GRIN2A: variants seen among roughly 807,000 people sequenced by gnomAD.
The protein encoded by GRIN2A is glutamate receptor ionotropic, NMDA 2A.
A neutral mutation model predicts 113.4 loss-of-function variants in GRIN2A; 22 were observed. That is an observed-to-expected ratio of 0.19 (90% confidence interval 0.14 to 0.28). GRIN2A has a LOEUF of 0.28. GRIN2A is among the 10% of genes least tolerant of loss of function. GRIN2A has a pLI of 1.00. For synonymous variants in GRIN2A, 827 were observed against 738.4 expected, an observed-to-expected ratio of 1.12 and a Z score of -1.94; for missense variants, 1,502 against 1,887.0, an observed-to-expected ratio of 0.80 and a Z score of 3.78.
At chr16:9,933,531 G>A (rs1386676995) in intron 3 of GRIN2A, among the ~76,000 whole-genome samples, 1 of 152,182 alleles carries the variant, frequency 6.6e-6, no homozygotes, top group African/African-American at 2.4e-5. Context: ...CTGCTACATA[G>A]GAGGAATAGT....
At chr16:10,170,729 T>G (rs1443403454) in intron 2 of GRIN2A, among the ~76,000 whole-genome samples, 1 of 151,966 alleles carries the variant, frequency 6.6e-6, no homozygotes, top group East Asian at 1.9e-4. Context: ...ATTTAAAAAT[T>G]AGCCGGATAT....
Position 9,837,125 on chromosome 16 carries a change from T to A in GRIN2A, c.1652-2895A>T, listed in dbSNP as rs16966477. Among the ~76,000 whole-genome samples the A allele has an allele frequency of 4.6e-3, 697 of 152,324 alleles. 1 individual carries two copies. The highest frequency in any genetic ancestry group is 0.017 in the Middle Eastern group (5 of 294). ...GAATGTTTTGGCTCTTCCAGATGAC[T>A]AAGCCAGTGAATGGAAAAATGTAGC... On this transcript the variant is annotated intron_variant, in intron 7 of 12. Transcript: ENST00000330684.
rs567343810 is a variant in GRIN2A, at chr16:9,791,393, A to C, written c.2356+6884T>G. On this transcript the variant is annotated intron_variant, in intron 11 of 12. Transcript: ENST00000330684. ...ATGGTGAAATTCTGGATGCTGTAGA[A>C]AGTTGAAAGGGAAAAATATTCAGGG... Among the ~76,000 whole-genome samples the C allele has an allele frequency of 3.3e-4, 50 of 152,336 alleles. 1 individual carries two copies. In the South Asian group the frequency reaches 9.7e-3, roughly 30 times the overall value.
At chr16:10,091,042 A>T (rs1446300545) in intron 2 of GRIN2A, among the ~76,000 whole-genome samples, 1 of 152,224 alleles carries the variant, frequency 6.6e-6, no homozygotes, top group Non-Finnish European at 1.5e-5. Context: ...TATGGACAAC[A>T]CCAAGTGTTG....
chr16:9,768,574 T>C (rs1312643283), intron 12 of GRIN2A, among the ~76,000 whole-genome samples: 2 of 152,206 alleles, frequency 1.3e-5, no homozygotes, highest in Admixed American at 6.5e-5. Flanking sequence ...TATCGTTCTC[T>C]CACTTTGATA....
At chr16:10,010,791 C>A (rs554239521) in intron 2 of GRIN2A, among the ~76,000 whole-genome samples, 1 of 152,256 alleles carries the variant, frequency 6.6e-6, no homozygotes, top group South Asian at 2.1e-4. Context: ...AGAATTCTTA[C>A]CTTGTCTCTC....
chr16:10,030,599 T>C (rs11639850), intron 2 of GRIN2A, among the ~76,000 whole-genome samples: 21,849 of 152,240 alleles, frequency 0.14, 2,435 homozygotes, highest in East Asian at 0.51. Context: ...TTCTTGTTGA[T>C]GTTTTCTACT....
At chr16:10,078,328 C>T (rs1439371558) in intron 2 of GRIN2A, among the ~76,000 whole-genome samples, 3 of 151,800 alleles carry the variant, frequency 2.0e-5, no homozygotes, top group African/African-American at 7.3e-5. Context: ...GTCTGTTCCT[C>T]GTGACCACAC....
chr16:9,808,910 C>A (rs1172378969), intron 10 of GRIN2A, among the ~76,000 whole-genome samples: 1 of 150,716 alleles, frequency 6.6e-6, no homozygotes, highest in Non-Finnish European at 1.5e-5. Flanking sequence ...CCTCATCCCA[C>A]CCCCCCAAAA....
intron 2 of GRIN2A, among the ~76,000 whole-genome samples, chr16:10,160,845 C>A (rs1023840042): frequency 2.9e-4 from 44 of 152,122 alleles, no homozygotes; most frequent in African/African-American, 1.0e-3. Context: ...CCCCTCCAGG[C>A]ACAAAAATGA....
At chr16:9,941,996 G>A (rs2044891732) in intron 2 of GRIN2A, among the ~76,000 whole-genome samples, 2 of 152,242 alleles carry the variant, frequency 1.3e-5, no homozygotes, top group South Asian at 4.1e-4. Context: ...GCCAATAATG[G>A]TGCTTCCTCA....
In GRIN2A at chr16:10,007,631, T is replaced by A. The variant is rs535200039; in HGVS notation, c.415-69080A>T. Among the ~76,000 whole-genome samples, 7 of 152,310 alleles carry A rather than the reference T, an allele frequency of 4.6e-5. No individual in the cohort carries two copies. The East Asian group carries it at 1.3e-3, about 29-fold the overall frequency. On this transcript the variant is annotated intron_variant, in intron 2 of 12. Transcript: ENST00000330684. ...GCTGTGCAGAAGTTTTTTAACCTGA[T>A]GTGATCCCATTTGCCCATTTTGCTT...
At chr16:9,859,932 C>G (rs538597541) in intron 4 of GRIN2A, among the ~76,000 whole-genome samples, 1 of 152,078 alleles carries the variant, frequency 6.6e-6, no homozygotes, top group East Asian at 2.0e-4. Context: ...GTGCTTTCCA[C>G]TGTGCCGGGT....
chr16:9,853,240 A>C (rs908997046), intron 4 of GRIN2A, among the ~76,000 whole-genome samples: 3 of 152,084 alleles, frequency 2.0e-5, no homozygotes, highest in Admixed American at 2.0e-4. Context: ...AGAAGTTGGG[A>C]TTTACCTTAA....
chr16:10,130,175 A>C (rs2049032387), intron 2 of GRIN2A, among the ~76,000 whole-genome samples: 2 of 152,222 alleles, frequency 1.3e-5, no homozygotes, highest in African/African-American at 4.8e-5. Flanking sequence ...ATGGCTGGGA[A>C]ATGATAGAGG....
At chr16:10,013,944 C>T (rs919039184) in intron 2 of GRIN2A, among the ~76,000 whole-genome samples, 1 of 152,162 alleles carries the variant, frequency 6.6e-6, no homozygotes, top group African/African-American at 2.4e-5. Context: ...CCGTCTCAGA[C>T]CAGCTACCAG....
At chr16:10,151,813 A>AG in intron 2 of GRIN2A, among the ~76,000 whole-genome samples, 1 of 152,096 alleles carries the variant, frequency 6.6e-6, no homozygotes, top group South Asian at 2.1e-4. Context: ...GGAATTACCA[A>AG]CGTGTTATAA....
At chr16:10,079,058 T>TG (rs2047932269) in intron 2 of GRIN2A, among the ~76,000 whole-genome samples, 1 of 152,334 alleles carries the variant, frequency 6.6e-6, no homozygotes, top group African/African-American at 2.4e-5. Flanking sequence ...TGTGCATCTG[T>TG]GAGGACTGAA....
chr16:9,809,280 C>T (rs981142609), intron 10 of GRIN2A, among the ~76,000 whole-genome samples: 6 of 151,874 alleles, frequency 4.0e-5, no homozygotes, highest in African/African-American at 1.2e-4. Context: ...ATCAGCTGGG[C>T]GTCATGGCGC....
Sources: gnomAD v4.1 joint callset for allele counts (sites outside exome capture counted in the v4.1 genomes callset) on GRCh38, gnomAD v4.1.1 for gene constraint, MANE v1.5 for transcripts, NCBI Gene and HGNC (gene_info 2026-07-23, HGNC 2026-07-21) for gene names.